The following FCER1A variants were observed in gnomAD, a reference collection of about 807,000 sequenced individuals.
FCER1A encodes high affinity immunoglobulin epsilon receptor subunit alpha.
A neutral mutation model predicts 23.6 loss-of-function variants in FCER1A; 24 were observed. The ratio of observed to expected loss-of-function variants is 1.02; its 90% confidence interval spans 0.74 to 1.43. The LOEUF is 1.43. Ranked by LOEUF, FCER1A falls within the 40% of genes most tolerant of loss-of-function variation. The pLI is 0.00. For missense variants in FCER1A, 318 were observed against 294.5 expected (o/e 1.08, Z -0.58); for synonymous variants, 121 against 108.8 (o/e 1.11, Z -0.70).
chr1:159,290,262 T>C (rs1158454484), intron 1 of FCER1A, among the ~76,000 whole-genome samples: 1 of 152,140 alleles, frequency 6.6e-6, no homozygotes, highest in Non-Finnish European at 1.5e-5. Flanking sequence ...ATGGCTTAAG[T>C]TCTTGTCACT....
chr1:159,301,317 A>G (rs925545432), upstream of FCER1A, among the ~76,000 whole-genome samples: 1 of 152,188 alleles, frequency 6.6e-6, no homozygotes, highest in Admixed American at 6.5e-5. Context: ...CAGTATTATC[A>G]TTAATATCAG....
intron 1 of FCER1A, among the ~76,000 whole-genome samples, chr1:159,289,993 A>G (rs1231476498): frequency 1.3e-5 from 2 of 152,168 alleles, no homozygotes; most frequent in African/African-American, 4.8e-5. Flanking sequence ...GCTAGTTGTC[A>G]CCATTTCTCT....
chr1:159,293,503 A>G (rs1469763313), intron 1 of FCER1A, among the ~76,000 whole-genome samples: 1 of 148,866 alleles, frequency 6.7e-6, no homozygotes, highest in Non-Finnish European at 1.5e-5. Context: ...TTAACTCGTC[A>G]TTTAGCATTA....
chr1:159,302,388 T>C lies in FCER1A; in HGVS notation c.24T>C (p.Pro8=). MAPAMES[P]TLLCVALLFF... ...AGATGGCTCCTGCCATGGAATCCCC[T>C]ACTCTACTGTGTGTAGCCTTACTGT... Residue 8 remains proline, a synonymous_variant, in exon 1 of 5, where the codon CCT becomes CCC. Coordinates refer to ENST00000693622, the MANE Select transcript of FCER1A (RefSeq NM_001387280.1). 1 of 1,611,368 alleles carries C rather than the reference T, an allele frequency of 6.2e-7. No homozygotes were observed. The highest frequency in any genetic ancestry group is 2.2e-5 in the East Asian group (1 of 44,878).
intron 3 of FCER1A, 129 bp downstream of exon 3, chr1:159,304,311 C>G: frequency 1.1e-6 from 1 of 880,060 alleles, no homozygotes; most frequent in South Asian, 1.7e-5. Flanking sequence ...TTTTTAAGAC[C>G]CCTGCATTGG....
At chr1:159,294,801 C>A (rs1423877126) in intron 1 of FCER1A, among the ~76,000 whole-genome samples, 1 of 152,100 alleles carries the variant, frequency 6.6e-6, no homozygotes, top group Admixed American at 6.6e-5. Context: ...ATATTTAAGC[C>A]ATTTCTTTAT....
At chr1:159,296,043 A>G (rs529259975) in intron 1 of FCER1A, among the ~76,000 whole-genome samples, 9 of 152,324 alleles carry the variant, frequency 5.9e-5, no homozygotes, top group East Asian at 5.8e-4. Flanking sequence ...TGTAATAACA[A>G]TATTTTGAAA....
chr1:159,287,567 A>T (rs974482881), upstream of FCER1A, among the ~76,000 whole-genome samples: 4 of 152,002 alleles, frequency 2.6e-5, no homozygotes, highest in Admixed American at 2.6e-4. Context: ...AATTGGAGAT[A>T]AGGAGTTGTC....
upstream of FCER1A, among the ~76,000 whole-genome samples, chr1:159,301,760 A>T (rs112875219): frequency 5.3e-5 from 8 of 152,350 alleles, no homozygotes; most frequent in African/African-American, 1.9e-4. Context: ...ATGTATAAAC[A>T]GTACATCATA....
chr1:159,302,255 G>A (rs1008204370), upstream of FCER1A: 2 of 807,178 alleles, frequency 2.5e-6, no homozygotes, highest in African/African-American at 1.7e-5. Context: ...CAGCTGATGG[G>A]TTAACCAGAT....
At chr1:159,300,863 T>A (rs1652412786), upstream of FCER1A, among the ~76,000 whole-genome samples, 1 of 152,180 alleles carries the variant, frequency 6.6e-6, no homozygotes, top group Non-Finnish European at 1.5e-5. Flanking sequence ...TAACCTTCAA[T>A]CACATAAAAA....
intron 1 of FCER1A, among the ~76,000 whole-genome samples, chr1:159,294,899 G>T (rs542558542): frequency 1.5e-4 from 23 of 152,212 alleles, no homozygotes; most frequent in African/African-American, 4.1e-4. Flanking sequence ...GACATAGTTT[G>T]CTCATTCTGA....
At chr1:159,288,419 C>T (rs932229920), upstream of FCER1A, among the ~76,000 whole-genome samples, 2 of 152,006 alleles carry the variant, frequency 1.3e-5, no homozygotes, top group African/African-American at 2.4e-5. Flanking sequence ...ATCACTCTCC[C>T]TCTTGAAATG....
intron 1 of FCER1A, among the ~76,000 whole-genome samples, chr1:159,292,665 A>G (rs1652184696): frequency 6.6e-6 from 1 of 152,164 alleles, no homozygotes; most frequent in African/African-American, 2.4e-5. Context: ...GTGGGTGTAT[A>G]CACATATACT....
intron 1 of FCER1A, among the ~76,000 whole-genome samples, chr1:159,290,475 A>G (rs1036778090): frequency 1.3e-5 from 2 of 152,174 alleles, no homozygotes; most frequent in African/African-American, 4.8e-5. Context: ...TCAAAAGATG[A>G]CCACAAACTC....
upstream of FCER1A, among the ~76,000 whole-genome samples, chr1:159,288,174 G>C (rs764725124): frequency 3.3e-5 from 5 of 152,076 alleles, no homozygotes; most frequent in Non-Finnish European, 7.4e-5. Flanking sequence ...TGACTGGTCT[G>C]GTACACTTAC....
upstream of FCER1A, among the ~76,000 whole-genome samples, chr1:159,301,565 G>C (rs1652428842): frequency 6.6e-6 from 1 of 152,214 alleles, no homozygotes; most frequent in Non-Finnish European, 1.5e-5. Flanking sequence ...TTAGGGCACA[G>C]TAGAGAAAGA....
upstream of FCER1A, among the ~76,000 whole-genome samples, chr1:159,301,436 G>C (rs1652426362): frequency 6.6e-6 from 1 of 152,160 alleles, no homozygotes; most frequent in Non-Finnish European, 1.5e-5. Flanking sequence ...GGGAGATCAT[G>C]TTGGGAAATT....
chr1:159,302,997 C>A, intron 2 of FCER1A, 123 bp downstream of exon 2: 1 of 925,580 alleles, frequency 1.1e-6, no homozygotes. Context: ...CTTGGCCAGA[C>A]TACTTTCCCT....
Sources: gnomAD v4.1 joint callset for allele counts (sites outside exome capture counted in the v4.1 genomes callset) on GRCh38, gnomAD v4.1.1 for gene constraint, MANE v1.5 for transcripts, NCBI Gene and HGNC (gene_info 2026-07-23, HGNC 2026-07-21) for gene names.